The following RGL1 variants were observed in gnomAD, a reference collection of about 807,000 sequenced individuals.
RGL1 encodes the protein ral guanine nucleotide dissociation stimulator-like 1.
A neutral mutation model predicts 95.2 loss-of-function variants in RGL1; 24 were observed. The ratio of observed to expected loss-of-function variants is 0.25; its 90% CI spans 0.18 to 0.35. RGL1 has a LOEUF of 0.35. Ranked by LOEUF, RGL1 falls within the 10% of genes least tolerant of loss-of-function variation. The pLI is 1.00. For synonymous variants in RGL1, 329 were observed against 344.9 expected (o/e 0.95, Z 0.51); for missense variants, 715 against 936.3 (o/e 0.76, Z 3.08).
chr1:183,865,156 A>T (rs547501564), intron 3 of RGL1, among the ~76,000 whole-genome samples: 1 of 152,368 alleles, frequency 6.6e-6, no homozygotes, highest in African/African-American at 2.4e-5. Context: ...TACTAAGTTT[A>T]CATTCCAAAC....
At chr1:183,720,319 A>C (rs940067400) in intron 1 of RGL1, among the ~76,000 whole-genome samples, 6 of 152,218 alleles carry the variant, frequency 3.9e-5, no homozygotes, top group African/African-American at 1.4e-4. Context: ...ACACCACAGA[A>C]CGGCCAATCC....
chr1:183,920,071 G>A (rs1224185622), intron 16 of RGL1, among the ~76,000 whole-genome samples: 1 of 150,652 alleles, frequency 6.6e-6, no homozygotes, highest in Non-Finnish European at 1.5e-5. Context: ...GTCTTGCACT[G>A]TTGCCTGGGC....
At chr1:183,848,030 T>G (rs1664561813) in intron 3 of RGL1, among the ~76,000 whole-genome samples, 1 of 152,210 alleles carries the variant, frequency 6.6e-6, no homozygotes, top group Non-Finnish European at 1.5e-5. Flanking sequence ...ATTCAGTTGC[T>G]TTATGGATTT....
intron 14 of RGL1, among the ~76,000 whole-genome samples, chr1:183,910,990 C>T (rs552274562): frequency 2.6e-5 from 4 of 152,194 alleles, no homozygotes; most frequent in South Asian, 2.1e-4. Context: ...GAGTCTAAGC[C>T]TGCTTTTTGT....
At chr1:183,713,386 C>CT (rs1197720389) in intron 1 of RGL1, among the ~76,000 whole-genome samples, 1 of 140,834 alleles carries the variant, frequency 7.1e-6, no homozygotes, top group Non-Finnish European at 1.5e-5. Flanking sequence ...ACCCCCCCCC[C>CT]CCGCTTTTAT....
chr1:183,888,690 C>T (rs887076595), intron 8 of RGL1, 113 bp downstream of exon 8: 19 of 690,638 alleles, frequency 2.8e-5, no homozygotes, highest in Non-Finnish European at 4.9e-5. Context: ...ATTTGAAATC[C>T]TCTGTGTGTT....
intron 1 of RGL1, among the ~76,000 whole-genome samples, chr1:183,713,903 G>T (rs1252678492): frequency 2.6e-5 from 4 of 152,130 alleles, no homozygotes; most frequent in Non-Finnish European, 5.9e-5. Context: ...TATTTAAGGT[G>T]CTCAATAAAT....
intron 17 of RGL1, among the ~76,000 whole-genome samples, chr1:183,925,384 T>C (rs940424614): frequency 6.6e-6 from 1 of 152,182 alleles, no homozygotes; most frequent in African/African-American, 2.4e-5. Flanking sequence ...ATCTAATGCA[T>C]GCAGGACTTA....
intron 2 of RGL1, among the ~76,000 whole-genome samples, chr1:183,790,623 A>T (rs1660399645): frequency 6.6e-6 from 1 of 152,158 alleles, no homozygotes; most frequent in Non-Finnish European, 1.5e-5. Context: ...GAGGCACAGG[A>T]TACAATAAGT....
In RGL1 at chr1:183,874,933, T is replaced by C. The variant is rs144923033; in HGVS notation, c.426-5683T>C. 3.7e-3 allele frequency among the ~76,000 whole-genome samples: 565 copies of C among 152,282 alleles called. 3 individuals carry two copies. Among genetic ancestry groups the C allele is most frequent in the Middle Eastern group, 0.01 (3 of 294 alleles). ...GTCCGGCCCAGAGTCAGGGTCAAGGTTGACTTAGGCTTCAGTTCTTGAAGG... is the reference window on the plus strand; with the variant it reads ...GTCCGGCCCAGAGTCAGGGTCAAGGCTGACTTAGGCTTCAGTTCTTGAAGG... On this transcript the variant is annotated intron_variant, in intron 4 of 17. Transcript: ENST00000360851.
Position 183,648,545 on chromosome 1 carries a change from C to T in RGL1, c.-33+12044C>T, listed in dbSNP as rs1650484298. ...TGCAACTGCTAGCATGGCCCTTTTG[C>T]ACCAGGCTACCAGAAGAAGTTTTTA... On this transcript the variant is annotated intron_variant, in intron 1 of 18. Coordinates refer to the RGL1 transcript ENST00000304685. 8 of 1,614,172 alleles carry T rather than the reference C, an allele frequency of 5.0e-6. 1 individual carries two copies. The highest frequency in any genetic ancestry group is 2.2e-5 in the East Asian group (1 of 44,888).
chr1:183,672,086 C>T (rs1008860910), intron 1 of RGL1, among the ~76,000 whole-genome samples: 1 of 152,038 alleles, frequency 6.6e-6, no homozygotes, highest in Admixed American at 6.5e-5. Context: ...GCACCCACCA[C>T]CATGCCTGGC....
chr1:183,891,125 A>T (rs1243455463), intron 8 of RGL1, among the ~76,000 whole-genome samples: 1 of 152,206 alleles, frequency 6.6e-6, no homozygotes, highest in Non-Finnish European at 1.5e-5. Context: ...TTTTCTCCAA[A>T]TATGAATAGC....
chr1:183,876,753 G>C (rs541617821), intron 4 of RGL1, among the ~76,000 whole-genome samples: 18 of 152,208 alleles, frequency 1.2e-4, no homozygotes, highest in Non-Finnish European at 2.5e-4. Flanking sequence ...GTTCACAGCA[G>C]CCATCTTCTT....
chr1:183,753,838 C>T (rs1186877265), intron 2 of RGL1, among the ~76,000 whole-genome samples: 1 of 152,082 alleles, frequency 6.6e-6, no homozygotes, highest in Non-Finnish European at 1.5e-5. Flanking sequence ...ATTTTGTATT[C>T]TGAGTGTGGT....
intron 4 of RGL1, among the ~76,000 whole-genome samples, chr1:183,870,421 G>T (rs61809214): frequency 8.3e-5 from 1 of 12,068 alleles, no homozygotes. Flanking sequence ...GCCAGGGTAG[G>T]TGTCTTCCGG....
chr1:183,823,475 A>C (rs1170685727), intron 2 of RGL1, among the ~76,000 whole-genome samples: 1 of 152,210 alleles, frequency 6.6e-6, no homozygotes, highest in African/African-American at 2.4e-5. Flanking sequence ...ATAATTATCT[A>C]CTTTATTTGT....
At chr1:183,755,051 T>A (rs1366476641) in intron 2 of RGL1, 1 of 152,178 alleles carries the variant, frequency 6.6e-6, no homozygotes, top group East Asian at 1.9e-4. Context: ...ACTAGGGTAT[T>A]TAGTCCACTG....
intron 1 of RGL1, among the ~76,000 whole-genome samples, chr1:183,727,729 A>T (rs1374040701): frequency 6.6e-6 from 1 of 152,216 alleles, no homozygotes; most frequent in African/African-American, 2.4e-5. Context: ...ACCAAAAACT[A>T]GTAGAACTAA....
Sources: gnomAD v4.1 joint callset for allele counts (sites outside exome capture counted in the v4.1 genomes callset) on GRCh38, gnomAD v4.1.1 for gene constraint, MANE v1.5 for transcripts, NCBI Gene and HGNC (gene_info 2026-07-23, HGNC 2026-07-21) for gene names.